ITGA9: variants seen among roughly 807,000 people sequenced by gnomAD.
ITGA9 encodes integrin subunit alpha 9.
A neutral mutation model predicts 127.8 loss-of-function variants in ITGA9; 56 were observed. The observed-to-expected ratio is 0.44, with a 90% CI of 0.35 to 0.55. ITGA9 has a LOEUF of 0.55. Among genes scored for constraint, ITGA9 ranks in the 20% least tolerant of loss-of-function variants. The pLI is 0.00. For synonymous variants in ITGA9, 508 were observed against 514.5 expected (o/e 0.99, Z 0.17); for missense variants, 1,196 against 1,347.1 (o/e 0.89, Z 1.76).
At chr3:37,476,276 A>G (rs557987499) in intron 3 of ITGA9, among the ~76,000 whole-genome samples, 493 of 152,266 alleles carry the variant, frequency 3.2e-3, no homozygotes, top group Non-Finnish European at 5.4e-3. Context: ...TATTTTCCCA[A>G]ATGGCTGCAG....
intron 16 of ITGA9, among the ~76,000 whole-genome samples, chr3:37,642,826 C>T (rs1700345526): frequency 6.6e-6 from 1 of 152,160 alleles, no homozygotes; most frequent in Non-Finnish European, 1.5e-5. Flanking sequence ...CACTACAGCT[C>T]CTCCCACCCC....
chr3:37,616,890 C>G (rs1439827946), intron 15 of ITGA9, among the ~76,000 whole-genome samples: 3 of 152,236 alleles, frequency 2.0e-5, no homozygotes, highest in East Asian at 3.9e-4. Flanking sequence ...CTGAATACAG[C>G]ACACTGATGG....
At chr3:37,690,939 A>G (rs777207506) in intron 18 of ITGA9, among the ~76,000 whole-genome samples, 3 of 152,174 alleles carry the variant, frequency 2.0e-5, no homozygotes, top group South Asian at 4.1e-4. Flanking sequence ...ACAGTGGGCA[A>G]TGGGGCTTAT....
intron 17 of ITGA9, among the ~76,000 whole-genome samples, chr3:37,679,827 C>T (rs981912689): frequency 2.6e-5 from 4 of 152,134 alleles, no homozygotes; most frequent in East Asian, 1.9e-4. Context: ...AGGAGTTCAA[C>T]GATAAGCAAA....
intron 23 of ITGA9, among the ~76,000 whole-genome samples, chr3:37,751,188 A>G (rs1232224847): frequency 6.6e-6 from 1 of 152,264 alleles, no homozygotes; most frequent in East Asian, 1.9e-4. Context: ...TGTTGAATGT[A>G]GAACAGGTCA....
At chr3:37,708,934 G>A (rs960280109) in intron 18 of ITGA9, among the ~76,000 whole-genome samples, 1 of 152,218 alleles carries the variant, frequency 6.6e-6, no homozygotes, top group African/African-American at 2.4e-5. Flanking sequence ...GTTAAGAGTA[G>A]GGTTTTGTCA....
At chr3:37,474,732 A>G (rs1032697773) in intron 3 of ITGA9, among the ~76,000 whole-genome samples, 1 of 152,240 alleles carries the variant, frequency 6.6e-6, no homozygotes, top group Admixed American at 6.5e-5. Context: ...CAAGAGGGGA[A>G]AGTAATACTA....
intron 15 of ITGA9, among the ~76,000 whole-genome samples, chr3:37,581,764 G>A (rs1433416726): frequency 6.6e-6 from 1 of 152,178 alleles, no homozygotes; most frequent in East Asian, 1.9e-4. Context: ...AAGTGAAAGC[G>A]AACTCAGAGT....
chr3:37,537,697 A>G (rs566594519), intron 14 of ITGA9, among the ~76,000 whole-genome samples: 22 of 152,066 alleles, frequency 1.4e-4, no homozygotes, highest in Non-Finnish European at 2.6e-4. Flanking sequence ...GACAAAAACA[A>G]CCAGCTGCTC....
intron 16 of ITGA9, among the ~76,000 whole-genome samples, chr3:37,650,085 GCAGT>G (rs1700415720): frequency 1.3e-5 from 2 of 152,180 alleles, no homozygotes; most frequent in African/African-American, 4.8e-5. Flanking sequence ...AGTTGATGTG[GCAGT>G]CAGTGTCTCC....
chr3:37,480,858 C>T (rs1698545228), intron 3 of ITGA9, among the ~76,000 whole-genome samples: 1 of 152,130 alleles, frequency 6.6e-6, no homozygotes, highest in African/African-American at 2.4e-5. Flanking sequence ...CACTTTTGCC[C>T]TCCTGCAGTC....
At chr3:37,470,147 T>TTTG (rs940498775) in intron 1 of ITGA9, among the ~76,000 whole-genome samples, 2 of 150,820 alleles carry the variant, frequency 1.3e-5, no homozygotes, top group Admixed American at 1.3e-4. Context: ...CTTGTTTTTT[T>TTTG]TTTTTTTTTT....
intron 18 of ITGA9, among the ~76,000 whole-genome samples, chr3:37,720,275 A>C (rs1209392333): frequency 6.6e-6 from 1 of 152,216 alleles, no homozygotes; most frequent in Non-Finnish European, 1.5e-5. Flanking sequence ...CCAGGATTTT[A>C]GTAAGTACCT....
At chr3:37,634,816 A>G (rs538015447) in intron 16 of ITGA9, among the ~76,000 whole-genome samples, 6 of 152,352 alleles carry the variant, frequency 3.9e-5, no homozygotes, top group South Asian at 4.1e-4. Flanking sequence ...TCAACTGCAC[A>G]TGGAACACTC....
intron 26 of ITGA9, among the ~76,000 whole-genome samples, chr3:37,801,128 G>A (rs371888509): frequency 5.9e-5 from 9 of 152,216 alleles, no homozygotes; most frequent in East Asian, 5.8e-4. Flanking sequence ...TTGCCCCACC[G>A]CACTGCAGCC....
intron 15 of ITGA9, among the ~76,000 whole-genome samples, chr3:37,600,146 A>G (rs1320485999): frequency 6.6e-6 from 1 of 152,228 alleles, no homozygotes; most frequent in Non-Finnish European, 1.5e-5. Context: ...TTAACATCCT[A>G]ACATTATAAA....
At chr3:37,642,716 T>G (rs1193755340) in intron 16 of ITGA9, among the ~76,000 whole-genome samples, 1 of 152,228 alleles carries the variant, frequency 6.6e-6, no homozygotes, top group African/African-American at 2.4e-5. Flanking sequence ...AAGTCTTACT[T>G]TGTTGTCTTT....
At chr3:37,633,576 A>G (rs1700247606) in intron 16 of ITGA9, among the ~76,000 whole-genome samples, 1 of 152,240 alleles carries the variant, frequency 6.6e-6, no homozygotes, top group African/African-American at 2.4e-5. Flanking sequence ...TAACACACAC[A>G]GCTGAAAGCA....
intron 17 of ITGA9, among the ~76,000 whole-genome samples, chr3:37,655,244 G>C (rs1307446564): frequency 6.6e-6 from 1 of 152,116 alleles, no homozygotes; most frequent in Non-Finnish European, 1.5e-5. Flanking sequence ...GGTATTTCTG[G>C]TTCTAAATCC....
Sources: allele counts gnomAD v4.1 joint callset (sites outside exome capture counted in the v4.1 genomes callset), GRCh38; gene constraint gnomAD v4.1.1; transcripts MANE v1.5; gene names NCBI Gene and HGNC (gene_info 2026-07-23, HGNC 2026-07-21).